Variants in WDR64 observed in about 807,000 individuals in gnomAD.
The protein encoded by WDR64 is WD repeat domain 64, also known as WD repeat-containing protein 64.
WDR64 carries 112 observed loss-of-function variants against 139.3 expected under a neutral mutation model. The observed-to-expected ratio is 0.80, with a 90% confidence interval of 0.69 to 0.94. WDR64 has a LOEUF of 0.94. Ranked by LOEUF, WDR64 falls within the 40% of genes least tolerant of loss-of-function variation. WDR64 has a pLI of 0.00. For missense variants in WDR64, 1,206 were observed against 1,293.1 expected (o/e 0.93, Z 1.03); for synonymous variants, 444 against 437.7 (o/e 1.01, Z -0.18).
chr1:241,680,952 A>G (rs1177550169), intron 6 of WDR64, among the ~76,000 whole-genome samples: 1 of 151,936 alleles, frequency 6.6e-6, no homozygotes, highest in African/African-American at 2.4e-5. Context: ...TCCTCTTTCA[A>G]ATTCCAGTGC....
chr1:241,769,551 T>C, intron 17 of WDR64, 46 bp downstream of exon 17: 1 of 1,483,658 alleles, frequency 6.7e-7, no homozygotes. Flanking sequence ...GGGACTTAGG[T>C]GGCTGATACA....
intron 22 of WDR64, among the ~76,000 whole-genome samples, chr1:241,782,800 C>G (rs188284834): frequency 4.6e-5 from 7 of 152,256 alleles, no homozygotes; most frequent in East Asian, 1.9e-4. Context: ...CATACTCCCC[C>G]CAAAAGAACA....
At chr1:241,740,820 C>A (rs1298956460) in intron 11 of WDR64, among the ~76,000 whole-genome samples, 1 of 152,078 alleles carries the variant, frequency 6.6e-6, no homozygotes, top group Non-Finnish European at 1.5e-5. Context: ...CACCCACCAC[C>A]ATGCCCGGCT....
At chr1:241,778,132 T>C (rs891211520) in intron 21 of WDR64, among the ~76,000 whole-genome samples, 4 of 152,202 alleles carry the variant, frequency 2.6e-5, no homozygotes, top group African/African-American at 9.6e-5. Context: ...ACTATAATAA[T>C]GGATTCATCT....
At chr1:241,783,223 T>TA (rs755642321) in intron 22 of WDR64, 49 bp from the exon 23 acceptor site, 3 of 1,480,188 alleles carry the variant, frequency 2.0e-6, no homozygotes, top group Non-Finnish European at 2.8e-6. Flanking sequence ...ATTACATTTT[T>TA]ACTAGCATAT....
chr1:241,725,276 A>G, intron 10 of WDR64, among the ~76,000 whole-genome samples: 1 of 152,128 alleles, frequency 6.6e-6, no homozygotes, highest in Non-Finnish European at 1.5e-5. Context: ...TGCTCAATGC[A>G]CTATTGCTTA....
chr1:241,771,941 CATACATATATATATATATATATAT>C (rs1466536630), intron 19 of WDR64, among the ~76,000 whole-genome samples: 6 of 28,964 alleles, frequency 2.1e-4, no homozygotes, highest in East Asian at 5.9e-4. Flanking sequence ...TACATACATA[CATACATATATATATATATATATAT>C]ATATATATAT....
chr1:241,706,365 G>C (rs1667955529), intron 8 of WDR64, among the ~76,000 whole-genome samples: 1 of 152,236 alleles, frequency 6.6e-6, no homozygotes, highest in Non-Finnish European at 1.5e-5. Context: ...TTGGGGCGAG[G>C]TGACAAGATA....
At chr1:241,792,332 C>T (rs76043748) in intron 25 of WDR64, among the ~76,000 whole-genome samples, 21,423 of 152,050 alleles carry the variant, frequency 0.14, 1,912 homozygotes, top group Middle Eastern at 0.31. Flanking sequence ...GTCAGGAGAT[C>T]GAGACCATCC....
chr1:241,755,638 C>G (rs1333759924), intron 14 of WDR64, among the ~76,000 whole-genome samples: 3 of 152,124 alleles, frequency 2.0e-5, no homozygotes, highest in Non-Finnish European at 4.4e-5. Context: ...TTTGCCCATG[C>G]CTATGTCCTG....
chr1:241,658,895 C>T (rs1404788660), intron 1 of WDR64, among the ~76,000 whole-genome samples: 1 of 102,906 alleles, frequency 9.7e-6, no homozygotes, highest in Non-Finnish European at 2.1e-5. Flanking sequence ...TTTGTAAACA[C>T]AAGATCTTTT....
At chr1:241,679,330 G>A (rs931337136) in intron 5 of WDR64, among the ~76,000 whole-genome samples, 155 bp from the exon 6 acceptor site, 1 of 152,174 alleles carries the variant, frequency 6.6e-6, no homozygotes, top group East Asian at 1.9e-4. Context: ...ATGGGAGCCT[G>A]TATCCCAGAC....
intron 16 of WDR64, among the ~76,000 whole-genome samples, chr1:241,767,085 A>G (rs147944002): frequency 1.3e-5 from 2 of 151,372 alleles, no homozygotes; most frequent in Non-Finnish European, 2.9e-5. Context: ...TTCCCAACCT[A>G]CTCCCCGCTC....
intron 13 of WDR64, among the ~76,000 whole-genome samples, chr1:241,745,842 G>C (rs996648748): frequency 6.6e-6 from 1 of 152,044 alleles, no homozygotes; most frequent in East Asian, 1.9e-4. Context: ...TGGTCTCCTC[G>C]CATTACTACC....
In WDR64 at chr1:241,652,298, C is replaced by T. The variant is rs529790849; in HGVS notation, c.-187C>T. 6 of 574,812 alleles carry T rather than the reference C, an allele frequency of 1.0e-5. No homozygotes were observed. The African/African-American group carries it at 1.1e-4, about 11-fold the overall frequency. 35.6% of individuals were successfully genotyped at this position (574,812 alleles called of 1,614,324 possible). ...AATGCATCAGACCTAAATCAGCTTT[C>T]CTCCCTGCTAACATCCTAGTGGCAA... On this transcript the variant is annotated 5_prime_UTR_variant, in exon 1 of 28. Transcript: ENST00000437684.
In WDR64 at chr1:241,796,771, G is replaced by A. The variant is rs185881427; in HGVS notation, c.3192+401G>A. On this transcript the variant is annotated intron_variant, in intron 27 of 27. Coordinates refer to ENST00000437684, the MANE Select transcript of WDR64 (RefSeq NM_001367482.1). ...GGCCTCCCAAAGTGTTAGGATTACA[G>A]GCATAAGCCACTGTGCCCGGCCTCA... Among the ~76,000 whole-genome samples the A allele has an allele frequency of 7.3e-4, 111 of 152,272 alleles. 2 individuals carry two copies. Among genetic ancestry groups the A allele is most frequent in the Admixed American group, 4.0e-3 (61 of 15,290 alleles).
intron 15 of WDR64, among the ~76,000 whole-genome samples, chr1:241,763,818 A>G (rs1658028154): frequency 6.6e-6 from 1 of 152,356 alleles, no homozygotes. Context: ...CCACCGTATC[A>G]TGCACTGTTC....
chr1:241,770,187 C>A (rs750611747), intron 17 of WDR64, among the ~76,000 whole-genome samples: 1 of 152,102 alleles, frequency 6.6e-6, no homozygotes, highest in Non-Finnish European at 1.5e-5. Flanking sequence ...GACATCTGCA[C>A]CAGACCTTAA....
intron 12 of WDR64, among the ~76,000 whole-genome samples, chr1:241,742,179 GGCATAA>G (rs1470374571): frequency 6.6e-6 from 1 of 152,158 alleles, no homozygotes; most frequent in Non-Finnish European, 1.5e-5. Context: ...CAACATAGCT[GGCATAA>G]GCATGACGGC....
Sources: gnomAD v4.1 joint callset for allele counts (sites outside exome capture counted in the v4.1 genomes callset) on GRCh38, gnomAD v4.1.1 for gene constraint, MANE v1.5 for transcripts, NCBI Gene and HGNC (gene_info 2026-07-23, HGNC 2026-07-21) for gene names.